Variants in PUM1 observed in about 807,000 individuals in gnomAD.
PUM1 encodes the protein pumilio RNA binding family member 1, also known as pumilio homolog 1.
In PUM1, 13 loss-of-function variants were observed where a neutral mutation model predicts 131.8. The observed-to-expected ratio is 0.10, with a 90% CI of 0.06 to 0.16. PUM1 has a LOEUF of 0.16. Ranked by LOEUF, PUM1 falls within the 10% of genes least tolerant of loss-of-function variation. The pLI, the probability that PUM1 is intolerant of heterozygous loss-of-function variation, is 1.00. For missense variants in PUM1, 961 were observed against 1,512.4 expected, an observed-to-expected ratio of 0.64 and a Z score of 6.05; for synonymous variants, 509 against 556.5, an observed-to-expected ratio of 0.91 and a Z score of 1.20.
At chr1:30,992,923 G>A (rs575193265) in intron 6 of PUM1, among the ~76,000 whole-genome samples, 14 of 152,152 alleles carry the variant, frequency 9.2e-5, no homozygotes, top group African/African-American at 3.4e-4. Flanking sequence ...CAAGGGGGCC[G>A]GGTTTGAGGA....
At chr1:31,001,168 A>G (rs1177294561) in intron 5 of PUM1, among the ~76,000 whole-genome samples, 1 of 152,022 alleles carries the variant, frequency 6.6e-6, no homozygotes, top group Non-Finnish European at 1.5e-5. Flanking sequence ...TGGGCGACAG[A>G]GCAAGACTCC....
chr1:30,960,813 A>G (rs1272722690), intron 14 of PUM1, among the ~76,000 whole-genome samples: 1 of 152,202 alleles, frequency 6.6e-6, no homozygotes, highest in African/African-American at 2.4e-5. Context: ...TCACAGACTT[A>G]TATTTAAGAG....
At chr1:31,057,259 CG>C (rs2123995246) in intron 2 of PUM1, among the ~76,000 whole-genome samples, 1 of 151,882 alleles carries the variant, frequency 6.6e-6, no homozygotes, top group East Asian at 1.9e-4. Flanking sequence ...CAAAAGTAGC[CG>C]GGTGTAGTGT....
At chr1:30,973,317 GTTT>G (rs1641005124) in intron 10 of PUM1, among the ~76,000 whole-genome samples, 2 of 149,914 alleles carry the variant, frequency 1.3e-5, no homozygotes, top group Non-Finnish European at 3.0e-5. Context: ...AAAAATTCTT[GTTT>G]GGATCATTTA....
chr1:30,955,464 G>GA (rs201119840), intron 14 of PUM1, among the ~76,000 whole-genome samples: 20,282 of 121,784 alleles, frequency 0.17, 1,844 homozygotes, highest in Non-Finnish European at 0.24. Context: ...GACTCCATCT[G>GA]AAAAAAAAAA....
At chr1:31,036,608 T>C (rs1643619119) in intron 2 of PUM1, 1 of 152,104 alleles carries the variant, frequency 6.6e-6, no homozygotes, top group Admixed American at 6.6e-5. Context: ...TGGCTAAAAA[T>C]GGGATTGGAC....
At chr1:31,037,417 T>A (rs771402164) in intron 2 of PUM1, among the ~76,000 whole-genome samples, 1 of 152,120 alleles carries the variant, frequency 6.6e-6, no homozygotes, top group Non-Finnish European at 1.5e-5. Context: ...ATGAGAAAGT[T>A]AAAGATCTAA....
rs181183937 is a variant in PUM1, at chr1:30,954,939, C to T, written c.2324-958G>A. On this transcript the variant is annotated intron_variant, in intron 14 of 21. Coordinates refer to ENST00000426105, the MANE Select transcript of PUM1 (RefSeq NM_001020658.2). ...TAAAAATTAGCTGGGTGTGGTGATACACACCTGTAGTCCTAACTACTTGGG... is the reference window on the plus strand; with the variant it reads ...TAAAAATTAGCTGGGTGTGGTGATATACACCTGTAGTCCTAACTACTTGGG... 5.2e-4 allele frequency among the ~76,000 whole-genome samples: 79 copies of T among 151,692 alleles called. No individual in the cohort carries two copies. The East Asian group carries it at 0.011, about 22-fold the overall frequency.
chr1:31,054,190 T>A (rs903491337), intron 2 of PUM1, among the ~76,000 whole-genome samples: 2 of 150,476 alleles, frequency 1.3e-5, no homozygotes, highest in African/African-American at 4.9e-5. Flanking sequence ...AGCTAGGTGT[T>A]GTGACGTGTG....
chr1:31,062,294 T>G (rs140315781), intron 1 of PUM1, among the ~76,000 whole-genome samples: 2 of 152,266 alleles, frequency 1.3e-5, no homozygotes, highest in East Asian at 3.9e-4. Flanking sequence ...GTACTTAAGA[T>G]AGAACACTTG....
intron 14 of PUM1, among the ~76,000 whole-genome samples, chr1:30,954,564 G>T (rs932597813): frequency 3.3e-5 from 5 of 152,240 alleles, no homozygotes; most frequent in Admixed American, 3.3e-4. Context: ...GACATAATGA[G>T]TACAAGACAG....
intron 7 of PUM1, among the ~76,000 whole-genome samples, chr1:30,987,416 C>A (rs536194420): frequency 6.6e-6 from 1 of 152,036 alleles, no homozygotes; most frequent in East Asian, 1.9e-4. Flanking sequence ...AGGCTGCTCT[C>A]GAACTCCTGA....
chr1:31,035,619 C>T (rs978759618), intron 2 of PUM1, among the ~76,000 whole-genome samples: 5 of 151,844 alleles, frequency 3.3e-5, no homozygotes, highest in East Asian at 1.9e-4. Flanking sequence ...GGCATGGTGG[C>T]GTGCACCTGT....
chr1:31,065,488 A>T, intron 1 of PUM1, 128 bp downstream of exon 1: 1 of 1,065,440 alleles, frequency 9.4e-7, no homozygotes, highest in Non-Finnish European at 1.3e-6. Context: ...AGCCTCAGCC[A>T]GGGCCCCGGC....
chr1:30,983,743 G>C (rs1212618357), intron 7 of PUM1, among the ~76,000 whole-genome samples: 2 of 147,932 alleles, frequency 1.4e-5, no homozygotes, highest in Non-Finnish European at 3.0e-5. Flanking sequence ...AGCTGCGCAT[G>C]TCACCACGCC....
intron 10 of PUM1, 137 bp downstream of exon 10, chr1:30,974,514 A>G: frequency 1.2e-6 from 1 of 836,672 alleles, no homozygotes; most frequent in Non-Finnish European, 1.8e-6. Flanking sequence ...TCTGAGCCTG[A>G]ACTCAGACAC....
chr1:31,040,425 A>G (rs1485394857), intron 2 of PUM1, among the ~76,000 whole-genome samples: 1 of 152,254 alleles, frequency 6.6e-6, no homozygotes, highest in Non-Finnish European at 1.5e-5. Flanking sequence ...GAAGCTTGAA[A>G]GATGAGGAAA....
intron 3 of PUM1, among the ~76,000 whole-genome samples, chr1:31,012,859 G>A (rs577557756): frequency 9.2e-5 from 14 of 152,074 alleles, no homozygotes; most frequent in Admixed American, 2.0e-4. Context: ...CAGTGATAAA[G>A]ACCCATGAAT....
chr1:31,043,645 C>T (rs1163624137), intron 2 of PUM1, among the ~76,000 whole-genome samples: 1 of 152,158 alleles, frequency 6.6e-6, no homozygotes, highest in Non-Finnish European at 1.5e-5. Context: ...CAATCAACTG[C>T]ATATTCATTG....
Sources: gnomAD v4.1 joint callset for allele counts (sites outside exome capture counted in the v4.1 genomes callset) on GRCh38, gnomAD v4.1.1 for gene constraint, MANE v1.5 for transcripts, NCBI Gene and HGNC (gene_info 2026-07-23, HGNC 2026-07-21) for gene names.